Variants in FANCL observed in about 807,000 individuals in gnomAD.
FANCL encodes the protein FA complementation group L.
In FANCL, 69 loss-of-function variants were observed where a neutral mutation model predicts 59.4. The observed-to-expected ratio is 1.16, with a 90% CI of 0.96 to 1.42. The LOEUF (loss-of-function observed/expected upper bound fraction) is 1.42. Among genes scored for constraint, FANCL ranks in the 40% most tolerant of loss-of-function variants. FANCL has a pLI of 0.00. For missense variants in FANCL, 519 were observed against 447.2 expected, an observed-to-expected ratio of 1.16 and a Z score of -1.45; for synonymous variants, 180 against 147.1, an observed-to-expected ratio of 1.22 and a Z score of -1.62.
At chr2:58,188,960 G>A (rs986516033) in intron 7 of FANCL, among the ~76,000 whole-genome samples, 1 of 152,080 alleles carries the variant, frequency 6.6e-6, no homozygotes, top group African/African-American at 2.4e-5. Flanking sequence ...GCTACAACAT[G>A]GTTGAATCTC....
At chr2:58,205,329 T>C (rs1007171022) in intron 5 of FANCL, among the ~76,000 whole-genome samples, 5 of 151,714 alleles carry the variant, frequency 3.3e-5, no homozygotes, top group Non-Finnish European at 4.4e-5. Context: ...AATTTTATCA[T>C]AATCTGTAGA....
At chr2:58,209,419 G>A (rs1043528000) in intron 5 of FANCL, among the ~76,000 whole-genome samples, 2 of 151,788 alleles carry the variant, frequency 1.3e-5, no homozygotes. Context: ...GTTATTCAAT[G>A]ACATGGATTT....
intron 1 of FANCL, among the ~76,000 whole-genome samples, chr2:58,233,086 T>C (rs1432323496): frequency 6.6e-6 from 1 of 152,058 alleles, no homozygotes; most frequent in Non-Finnish European, 1.5e-5. Flanking sequence ...TGAAACAAAA[T>C]GTACTACTGA....
chr2:58,225,604 G>A (rs1242945512), intron 4 of FANCL, among the ~76,000 whole-genome samples: 1 of 151,918 alleles, frequency 6.6e-6, no homozygotes, highest in Non-Finnish European at 1.5e-5. Context: ...CAGATACCAC[G>A]TGGATCCTCA....
chr2:58,162,056 C>T lies in FANCL; in HGVS notation c.904-418G>A, dbSNP rs549563646. ...ATTTTTGGCTGGCAAGATGTTTGGG[C>T]ATCAGTAATATTCCCATATCATACA... is the stretch of plus-strand genomic sequence containing the variant. On this transcript the variant is annotated intron_variant, in intron 11 of 13. Coordinates refer to ENST00000233741, the MANE Select transcript of FANCL (RefSeq NM_018062.4). 1.4e-4 allele frequency among the ~76,000 whole-genome samples: 22 copies of T among 151,964 alleles called. No homozygotes were observed. The East Asian group carries it at 4.1e-3, about 28-fold the overall frequency.
At chr2:58,228,942 TA>T (rs1367339712) in intron 3 of FANCL, among the ~76,000 whole-genome samples, 2 of 152,082 alleles carry the variant, frequency 1.3e-5, no homozygotes, top group Admixed American at 6.5e-5. Context: ...GTGTACAATA[TA>T]AATAGTCAAA....
intron 7 of FANCL, among the ~76,000 whole-genome samples, chr2:58,178,995 G>A (rs1428215881): frequency 6.6e-6 from 1 of 152,082 alleles, no homozygotes; most frequent in Admixed American, 6.5e-5. Flanking sequence ...GCTTCAAAGC[G>A]AAGAAAATAC....
At chr2:58,164,176 CG>C (rs1685626422) in intron 8 of FANCL, among the ~76,000 whole-genome samples, 1 of 151,940 alleles carries the variant, frequency 6.6e-6, no homozygotes, top group African/African-American at 2.4e-5. Flanking sequence ...TGGACTACAG[CG>C]TAAGTTTCAG....
intron 7 of FANCL, among the ~76,000 whole-genome samples, chr2:58,185,474 AG>A (rs1170312229): frequency 1.3e-5 from 2 of 152,192 alleles, no homozygotes; most frequent in African/African-American, 4.8e-5. Flanking sequence ...ATGAACCATT[AG>A]AAAGTTACTC....
chr2:58,177,779 A>G (rs1254557241), intron 7 of FANCL, among the ~76,000 whole-genome samples: 1 of 151,258 alleles, frequency 6.6e-6, no homozygotes, highest in Admixed American at 6.6e-5. Context: ...CTTAATAATA[A>G]AATAAAAAAG....
At chr2:58,196,531 AAATTTG>A (rs1234557913) in intron 7 of FANCL, among the ~76,000 whole-genome samples, 10 of 152,074 alleles carry the variant, frequency 6.6e-5, no homozygotes, top group Non-Finnish European at 1.0e-4. Flanking sequence ...CCTGAAACTT[AAATTTG>A]AATTAATATT....
intron 3 of FANCL, among the ~76,000 whole-genome samples, chr2:58,229,279 A>C (rs569046655): frequency 1.3e-5 from 2 of 151,772 alleles, no homozygotes; most frequent in African/African-American, 4.8e-5. Context: ...TCAGTAACTG[A>C]TTTTTTTTTC....
intron 1 of FANCL, among the ~76,000 whole-genome samples, chr2:58,235,946 T>G (rs1298995298): frequency 2.7e-5 from 4 of 147,914 alleles, no homozygotes; most frequent in Non-Finnish European, 6.0e-5. Context: ...AGAAAGACAT[T>G]GAGGGAAAAA....
At chr2:58,177,647 G>A (rs1467318584) in intron 7 of FANCL, among the ~76,000 whole-genome samples, 2 of 99,610 alleles carry the variant, frequency 2.0e-5, no homozygotes, top group Non-Finnish European at 3.8e-5. Context: ...GGGGGGAGGG[G>A]GGAGGGATAG....
chr2:58,194,515 A>T (rs1689245467), intron 7 of FANCL, among the ~76,000 whole-genome samples: 1 of 152,182 alleles, frequency 6.6e-6, no homozygotes, highest in Non-Finnish European at 1.5e-5. Flanking sequence ...AAATAAAGCA[A>T]ATATCTAGAA....
chr2:58,186,418 T>C (rs1451395360), intron 7 of FANCL, among the ~76,000 whole-genome samples: 2 of 152,034 alleles, frequency 1.3e-5, no homozygotes, highest in African/African-American at 2.4e-5. Context: ...GACAAGGACA[T>C]GTATGGGGAA....
At chr2:58,181,079 C>G (rs1413992533) in intron 7 of FANCL, among the ~76,000 whole-genome samples, 1 of 151,994 alleles carries the variant, frequency 6.6e-6, no homozygotes, top group Non-Finnish European at 1.5e-5. Context: ...AAAGATATAT[C>G]CATAAAAATA....
chr2:58,222,860 TTAAA>T (rs1038609262), intron 4 of FANCL, among the ~76,000 whole-genome samples: 10 of 151,956 alleles, frequency 6.6e-5, no homozygotes, highest in African/African-American at 1.9e-4. Flanking sequence ...AATTAATTAA[TTAAA>T]TAAATCAGCT....
At chr2:58,212,182 T>C (rs1182151039) in intron 5 of FANCL, among the ~76,000 whole-genome samples, 3 of 152,136 alleles carry the variant, frequency 2.0e-5, no homozygotes, top group Non-Finnish European at 4.4e-5. Context: ...ACAATCATGG[T>C]GGAAGGCAAA....
Sources: gnomAD v4.1 joint callset for allele counts (sites outside exome capture counted in the v4.1 genomes callset) on GRCh38, gnomAD v4.1.1 for gene constraint, MANE v1.5 for transcripts, NCBI Gene and HGNC (gene_info 2026-07-23, HGNC 2026-07-21) for gene names.